Variants in AMBRA1 observed in about 807,000 individuals in gnomAD.
AMBRA1 encodes activating molecule in BECN1-regulated autophagy protein 1.
AMBRA1 carries 47 observed loss-of-function variants against 125.4 expected under a neutral mutation model. The observed-to-expected ratio is 0.37, with a 90% confidence interval of 0.30 to 0.48. The LOEUF (loss-of-function observed/expected upper bound fraction) is 0.48. Ranked by LOEUF, AMBRA1 falls within the 20% of genes least tolerant of loss-of-function variation. The pLI is 0.99. For missense variants in AMBRA1, 1,331 were observed against 1,693.4 expected, an observed-to-expected ratio of 0.79 and a Z score of 3.76; for synonymous variants, 626 against 655.5, an observed-to-expected ratio of 0.95 and a Z score of 0.69.
chr11:46,486,980 A>G, intron 11 of AMBRA1, among the ~76,000 whole-genome samples: 1 of 151,292 alleles, frequency 6.6e-6, no homozygotes, highest in African/African-American at 2.4e-5. Flanking sequence ...GAGAGGGGCC[A>G]GGCACCATGG....
At chr11:46,560,135 C>A (rs1282987559) in intron 1 of AMBRA1, among the ~76,000 whole-genome samples, 1 of 152,072 alleles carries the variant, frequency 6.6e-6, no homozygotes, top group Non-Finnish European at 1.5e-5. Context: ...GAACTAAGAT[C>A]AATCAATTAA....
chr11:46,410,868 C>T (rs965894746), intron 15 of AMBRA1, among the ~76,000 whole-genome samples: 3 of 152,074 alleles, frequency 2.0e-5, no homozygotes, highest in African/African-American at 4.8e-5. Flanking sequence ...TTTGGGAGGC[C>T]GAGGCGGGCA....
chr11:46,581,442 C>T (rs1347165723), intron 1 of AMBRA1, among the ~76,000 whole-genome samples: 1 of 151,948 alleles, frequency 6.6e-6, no homozygotes, highest in African/African-American at 2.4e-5. Flanking sequence ...CCCGTCTCTA[C>T]TAAAAATACA....
At chr11:46,530,142 A>C (rs1412215022) in intron 7 of AMBRA1, among the ~76,000 whole-genome samples, 1 of 152,216 alleles carries the variant, frequency 6.6e-6, no homozygotes, top group Non-Finnish European at 1.5e-5. Flanking sequence ...CTGAAGGGGG[A>C]AGAATGAGTA....
intron 14 of AMBRA1, among the ~76,000 whole-genome samples, chr11:46,418,411 A>T (rs1946676901): frequency 6.8e-6 from 1 of 146,246 alleles, no homozygotes; most frequent in Non-Finnish European, 1.5e-5. Flanking sequence ...TATATATTTT[A>T]TTATTATACT....
intron 14 of AMBRA1, among the ~76,000 whole-genome samples, chr11:46,421,699 T>C (rs6485681): frequency 0.99 from 150,512 of 152,348 alleles, 74,382 homozygotes; most frequent in East Asian, 1. Flanking sequence ...TGAAGGGAAA[T>C]ACCTCTCACA....
intron 11 of AMBRA1, among the ~76,000 whole-genome samples, chr11:46,470,817 T>C (rs1020487641): frequency 6.6e-6 from 1 of 152,124 alleles, no homozygotes; most frequent in Non-Finnish European, 1.5e-5. Flanking sequence ...AAAGGAAGTT[T>C]GTTTACTCAT....
chr11:46,556,906 G>GC (rs2043171499), intron 1 of AMBRA1, among the ~76,000 whole-genome samples: 1 of 152,210 alleles, frequency 6.6e-6, no homozygotes, highest in South Asian at 2.1e-4. Context: ...GGAGGCTGAG[G>GC]CGGGTGGATC....
At chr11:46,590,942 A>G (rs550949743) in intron 1 of AMBRA1, among the ~76,000 whole-genome samples, 2 of 152,142 alleles carry the variant, frequency 1.3e-5, no homozygotes, top group South Asian at 4.1e-4. Flanking sequence ...AACAAAAAGA[A>G]AAAAAGCTGA....
chr11:46,583,141 A>G (rs1419795073), intron 1 of AMBRA1, among the ~76,000 whole-genome samples: 1 of 152,172 alleles, frequency 6.6e-6, no homozygotes, highest in Non-Finnish European at 1.5e-5. Flanking sequence ...TGGTACTGGT[A>G]CCAAAACAGA....
Position 46,445,620 on chromosome 11 carries a change from C to T in AMBRA1, c.2522-2022G>A, listed in dbSNP as rs184594383. On this transcript the variant is annotated intron_variant, in intron 11 of 17. Coordinates refer to ENST00000683756, the MANE Select transcript of AMBRA1 (RefSeq NM_001387011.1). ...AATCATTCTTTAGTTACAAGGTCTA[C>T]CACTTCCCTGGAAGGAATTATTCCA... Among the ~76,000 whole-genome samples, 15 of 152,304 alleles carry T rather than the reference C, an allele frequency of 9.8e-5. No individual in the cohort carries two copies. The South Asian group carries it at 2.1e-3, about 21-fold the overall frequency.
intron 7 of AMBRA1, among the ~76,000 whole-genome samples, chr11:46,529,491 G>C (rs1434024268): frequency 6.6e-6 from 1 of 152,198 alleles, no homozygotes; most frequent in South Asian, 2.1e-4. Context: ...CCCTGGTGGA[G>C]CCAAGTGGTA....
intron 11 of AMBRA1, among the ~76,000 whole-genome samples, chr11:46,493,360 T>G (rs1281687294): frequency 1.2e-4 from 18 of 152,066 alleles, no homozygotes; most frequent in Non-Finnish European, 8.8e-5. Context: ...AACAAATGGT[T>G]TAAACAAATA....
chr11:46,435,203 G>A (rs1947662419), intron 12 of AMBRA1, among the ~76,000 whole-genome samples, 166 bp from the exon 13 acceptor site: 1 of 152,160 alleles, frequency 6.6e-6, no homozygotes, highest in Non-Finnish European at 1.5e-5. Flanking sequence ...ACAAAACACA[G>A]GAGGCAAGAA....
intron 14 of AMBRA1, among the ~76,000 whole-genome samples, chr11:46,420,048 A>G (rs963128464): frequency 1.3e-5 from 1 of 76,346 alleles, no homozygotes; most frequent in Admixed American, 1.6e-4. Context: ...GTGCTGAGAA[A>G]TGTGCCCAGG....
intron 7 of AMBRA1, among the ~76,000 whole-genome samples, chr11:46,535,925 T>A (rs888454659): frequency 6.6e-6 from 1 of 152,122 alleles, no homozygotes; most frequent in Non-Finnish European, 1.5e-5. Context: ...GGACAACCCA[T>A]TCACAAGTTA....
In AMBRA1 at chr11:46,433,495, A is replaced by G. The variant is rs959632442; in HGVS notation, c.2955T>C (p.His985=). ...VAQVFRLQQA[H]GGETSMRRVF... is the part of the protein sequence containing the mutation. ...TCACCCTCATGGAGGTCTCTCCACC[A>G]TGGGCCTGTTGCAGCCTGAAGACCT... The change falls in exon 14 of 18, where the codon CAT becomes CAC. Residue 985 remains histidine, a synonymous_variant. Coordinates refer to ENST00000683756, the MANE Select transcript of AMBRA1 (RefSeq NM_001387011.1). The G allele has an allele frequency of 2.5e-6, 4 of 1,614,138 alleles. No homozygotes were observed. The highest frequency in any genetic ancestry group is 3.4e-6 in the Non-Finnish European group (4 of 1,180,006).
chr11:46,551,022 G>T (rs1457199587), intron 1 of AMBRA1, among the ~76,000 whole-genome samples: 1 of 148,722 alleles, frequency 6.7e-6, no homozygotes, highest in Non-Finnish European at 1.5e-5. Flanking sequence ...GCATGAACCC[G>T]AGAGGCAGAG....
At chr11:46,571,335 G>A (rs1404028092) in intron 1 of AMBRA1, among the ~76,000 whole-genome samples, 1 of 152,090 alleles carries the variant, frequency 6.6e-6, no homozygotes, top group Non-Finnish European at 1.5e-5. Flanking sequence ...GTCAAATCAT[G>A]GATATACAGA....
Sources: allele counts gnomAD v4.1 joint callset (sites outside exome capture counted in the v4.1 genomes callset), GRCh38; gene constraint gnomAD v4.1.1; transcripts MANE v1.5; gene names NCBI Gene and HGNC (gene_info 2026-07-23, HGNC 2026-07-21).